SV2C: variants seen among roughly 807,000 people sequenced by gnomAD.
SV2C encodes the protein solute carrier family 22 member B3.
In SV2C, 49 loss-of-function variants were observed where a neutral mutation model predicts 79.7. That is an observed-to-expected ratio of 0.61 (90% confidence interval 0.49 to 0.78). The LOEUF is 0.78. SV2C is among the 30% of genes least tolerant of loss of function. SV2C has a pLI of 0.00. For missense variants in SV2C, 833 were observed against 912.9 expected, an observed-to-expected ratio of 0.91 and a Z score of 1.13; for synonymous variants, 334 against 333.2, an observed-to-expected ratio of 1.00 and a Z score of -0.03.
intron 12 of SV2C, among the ~76,000 whole-genome samples, chr5:76,349,902 C>A (rs947732307): frequency 1.3e-5 from 2 of 152,060 alleles, no homozygotes; most frequent in African/African-American, 4.8e-5. Flanking sequence ...AGAGTAATAA[C>A]CCCAGGTATG....
the SV2C span, among the ~76,000 whole-genome samples, chr5:76,004,299 T>C: frequency 6.6e-6 from 1 of 152,190 alleles, no homozygotes; most frequent in Admixed American, 6.6e-5. Flanking sequence ...ACATTTCTTA[T>C]CTTGGCCACT....
intron 4 of SV2C, among the ~76,000 whole-genome samples, chr5:76,231,518 T>C (rs1745421169): frequency 6.6e-6 from 1 of 151,272 alleles, no homozygotes; most frequent in Non-Finnish European, 1.5e-5. Flanking sequence ...ACATGTGCCA[T>C]GCTGGTGCGC....
chr5:76,199,670 G>A (rs543415611), intron 3 of SV2C, among the ~76,000 whole-genome samples: 43 of 152,380 alleles, frequency 2.8e-4, no homozygotes, highest in African/African-American at 1.0e-3. Context: ...AGACAGTGGA[G>A]TTCAAGCAGC....
chr5:75,867,964 C>T, the SV2C span, among the ~76,000 whole-genome samples: 1 of 152,148 alleles, frequency 6.6e-6, no homozygotes, highest in Non-Finnish European at 1.5e-5. Flanking sequence ...GGTGCATAGT[C>T]TGTTGGGAGA....
At chr5:76,310,438 G>A in intron 12 of SV2C, among the ~76,000 whole-genome samples, 1 of 152,224 alleles carries the variant, frequency 6.6e-6, no homozygotes, top group East Asian at 1.9e-4. Flanking sequence ...TGAGAGACCA[G>A]TTGGAAGAGA....
chr5:76,315,396 T>TA (rs2112551096), intron 12 of SV2C, among the ~76,000 whole-genome samples: 1 of 152,284 alleles, frequency 6.6e-6, no homozygotes, highest in Non-Finnish European at 1.5e-5. Flanking sequence ...AAATGTCTAT[T>TA]ACAAAAATCG....
the SV2C span, among the ~76,000 whole-genome samples, chr5:75,935,414 A>G: frequency 3.9e-5 from 6 of 152,212 alleles, no homozygotes; most frequent in East Asian, 1.2e-3. Context: ...AAGTTGACCC[A>G]GTAATTCCAT....
the SV2C span, among the ~76,000 whole-genome samples, chr5:75,968,223 GA>G: frequency 6.6e-6 from 1 of 152,020 alleles, no homozygotes; most frequent in African/African-American, 2.4e-5. Flanking sequence ...ACAAAGATGG[GA>G]AAAAAACAGA....
intron 12 of SV2C, among the ~76,000 whole-genome samples, chr5:76,303,398 C>T (rs575144858): frequency 1.3e-5 from 2 of 152,274 alleles, no homozygotes; most frequent in African/African-American, 4.8e-5. Flanking sequence ...AAAATGAACC[C>T]CTCAATTGCT....
At chr5:76,273,479 A>G (rs891360096) in intron 4 of SV2C, among the ~76,000 whole-genome samples, 1 of 150,882 alleles carries the variant, frequency 6.6e-6, no homozygotes, top group Non-Finnish European at 1.5e-5. Flanking sequence ...GATATTCCAG[A>G]AAAAAAAATG....
the SV2C span, among the ~76,000 whole-genome samples, chr5:75,916,432 T>C: frequency 7.5e-6 from 1 of 133,044 alleles, no homozygotes; most frequent in Admixed American, 7.6e-5. Flanking sequence ...CTCTTCTTCC[T>C]CCCCTTCTCC....
At chr5:76,104,754 A>G (rs538877942) in intron 1 of SV2C, among the ~76,000 whole-genome samples, 1 of 152,296 alleles carries the variant, frequency 6.6e-6, no homozygotes, top group African/African-American at 2.4e-5. Context: ...CCAATAGGAG[A>G]CACTAGAGGG....
At chr5:75,863,595 A>G in the SV2C span, among the ~76,000 whole-genome samples, 1 of 152,208 alleles carries the variant, frequency 6.6e-6, no homozygotes, top group African/African-American at 2.4e-5. Context: ...GCTTTTCCAC[A>G]TGGCCTTTTT....
chr5:76,139,867 T>C (rs1369107971), intron 2 of SV2C, among the ~76,000 whole-genome samples: 1 of 83,772 alleles, frequency 1.2e-5, no homozygotes, highest in East Asian at 2.0e-4. Flanking sequence ...TTTTTTTTTT[T>C]TTTTTTTTTT....
chr5:76,077,385 T>C, the SV2C span, among the ~76,000 whole-genome samples: 6 of 152,096 alleles, frequency 3.9e-5, no homozygotes, highest in Admixed American at 6.5e-5. Flanking sequence ...AATAGATAAA[T>C]AGAGATTTAA....
the SV2C span, among the ~76,000 whole-genome samples, chr5:75,888,185 T>C: frequency 1.3e-5 from 2 of 152,094 alleles, no homozygotes; most frequent in Admixed American, 1.3e-4. Context: ...AGGGGGCTTC[T>C]GTACCTCTCA....
chr5:76,066,793 G>GT, the SV2C span, among the ~76,000 whole-genome samples: 1 of 84,144 alleles, frequency 1.2e-5, no homozygotes, highest in African/African-American at 6.3e-5. Flanking sequence ...AAAGGACCCT[G>GT]TTAAAAAAAA....
intron 4 of SV2C, among the ~76,000 whole-genome samples, chr5:76,220,281 G>A (rs1428719258): frequency 2.6e-5 from 4 of 152,216 alleles, no homozygotes; most frequent in Non-Finnish European, 5.9e-5. Flanking sequence ...AGATACAAGT[G>A]TAGAAGCTGG....
the SV2C span, among the ~76,000 whole-genome samples, chr5:75,980,539 G>A: frequency 0.021 from 3,129 of 152,074 alleles, 93 homozygotes; most frequent in African/African-American, 0.069. Flanking sequence ...CTTCATCCCC[G>A]GGATACAAGT....
Sources: gnomAD v4.1 joint callset for allele counts (sites outside exome capture counted in the v4.1 genomes callset) on GRCh38, gnomAD v4.1.1 for gene constraint, MANE v1.5 for transcripts, NCBI Gene and HGNC (gene_info 2026-07-23, HGNC 2026-07-21) for gene names.